The following EML6 variants were observed in gnomAD, a reference collection of about 807,000 sequenced individuals.
EML6 encodes EMAP like 6, also known as echinoderm microtubule-associated protein-like 6.
In EML6, 154 loss-of-function variants were observed where a neutral mutation model predicts 240.1. That is an observed-to-expected ratio of 0.64 (90% CI 0.56 to 0.73). The LOEUF (loss-of-function observed/expected upper bound fraction) is 0.73, where lower values mean the gene tolerates loss of function less well. Among genes scored for constraint, EML6 ranks in the 30% least tolerant of loss-of-function variants. The pLI is 0.00. For missense variants in EML6, 2,964 were observed against 2,474.6 expected, an observed-to-expected ratio of 1.20 and a Z score of -4.20; for synonymous variants, 1,148 against 899.0, an observed-to-expected ratio of 1.28 and a Z score of -4.95.
At chr2:54,969,951 C>T (rs1373304575) in intron 41 of EML6, 120 bp from the exon 42 acceptor site, 1 of 1,045,226 alleles carries the variant, frequency 9.6e-7, no homozygotes, top group Admixed American at 2.0e-5. Flanking sequence ...CTTTTGAAGT[C>T]AAAATGTTCA....
At chr2:54,899,285 A>C (rs1170951239) in intron 21 of EML6, among the ~76,000 whole-genome samples, 1 of 152,226 alleles carries the variant, frequency 6.6e-6, no homozygotes, top group Non-Finnish European at 1.5e-5. Context: ...AGGAGGGTAC[A>C]TATATACTAT....
chr2:54,877,378 TCA>T (rs1671562551), intron 16 of EML6, among the ~76,000 whole-genome samples: 1 of 152,136 alleles, frequency 6.6e-6, no homozygotes, highest in South Asian at 2.1e-4. Context: ...ATCATCAGTG[TCA>T]CCAGTATCAT....
intron 24 of EML6, among the ~76,000 whole-genome samples, chr2:54,908,511 A>G (rs1313486588): frequency 1.3e-5 from 2 of 152,222 alleles, no homozygotes; most frequent in Admixed American, 1.3e-4. Context: ...ATCCAAGAGC[A>G]GGAAAGAACA....
At chr2:54,735,954 G>C (rs1683371081) in intron 2 of EML6, among the ~76,000 whole-genome samples, 1 of 152,222 alleles carries the variant, frequency 6.6e-6, no homozygotes, top group African/African-American at 2.4e-5. Flanking sequence ...TTTGAAGGCT[G>C]AAGAGCGGTT....
intron 28 of EML6, among the ~76,000 whole-genome samples, chr2:54,934,465 T>C (rs1320233025): frequency 6.6e-6 from 1 of 152,138 alleles, no homozygotes; most frequent in African/African-American, 2.4e-5. Context: ...TTCAGGTCAA[T>C]CTAAATTCCG....
At chr2:54,910,923 A>G in intron 24 of EML6, 31 bp from the exon 25 acceptor site, 1 of 1,136,902 alleles carries the variant, frequency 8.8e-7, no homozygotes, top group Non-Finnish European at 1.3e-6. Flanking sequence ...TCAGATTTTA[A>G]TTATCTCTCT....
intron 21 of EML6, 61 bp from the exon 22 acceptor site, chr2:54,899,580 A>G: frequency 5.3e-6 from 8 of 1,499,906 alleles, no homozygotes; most frequent in Non-Finnish European, 7.2e-6. Context: ...GCACCAGGCT[A>G]AAGAAGGGCT....
chr2:54,920,040 C>T (rs910034462), intron 26 of EML6, among the ~76,000 whole-genome samples: 1 of 152,068 alleles, frequency 6.6e-6, no homozygotes, highest in African/African-American at 2.4e-5. Context: ...AACCTAAATT[C>T]TGTAATTTAA....
chr2:54,741,779 A>G (rs759132229), intron 2 of EML6, among the ~76,000 whole-genome samples: 37 of 152,240 alleles, frequency 2.4e-4, no homozygotes, highest in Non-Finnish European at 4.4e-4. Flanking sequence ...AATCTGTAGA[A>G]TAAAATAAAA....
intron 4 of EML6, among the ~76,000 whole-genome samples, chr2:54,817,302 A>G (rs1210676234): frequency 6.6e-6 from 1 of 152,230 alleles, no homozygotes; most frequent in African/African-American, 2.4e-5. Context: ...GTTGTATTTG[A>G]GAACATAGAA....
At chr2:54,826,085 T>G (rs1668577381) in intron 5 of EML6, among the ~76,000 whole-genome samples, 1 of 152,230 alleles carries the variant, frequency 6.6e-6, no homozygotes, top group African/African-American at 2.4e-5. Flanking sequence ...TTGTTTCATT[T>G]GCCTCTGCAT....
intron 2 of EML6, among the ~76,000 whole-genome samples, chr2:54,782,019 T>C (rs1668877237): frequency 6.6e-6 from 1 of 152,212 alleles, no homozygotes; most frequent in Non-Finnish European, 1.5e-5. Context: ...TTACCTTTTC[T>C]ACTTTTAATT....
intron 26 of EML6, among the ~76,000 whole-genome samples, chr2:54,927,070 A>T (rs7594699): frequency 0.43 from 65,420 of 151,922 alleles, 14,264 homozygotes; most frequent in South Asian, 0.51. Context: ...GCTTTCTGGA[A>T]CTCACATGTT....
chr2:54,730,867 C>T (rs1169079353), intron 2 of EML6, among the ~76,000 whole-genome samples: 1 of 152,164 alleles, frequency 6.6e-6, no homozygotes, highest in Non-Finnish European at 1.5e-5. Flanking sequence ...GGGGGTATAG[C>T]AGTGAACATG....
chr2:54,860,024 TGA>T (rs1362756147), intron 12 of EML6, among the ~76,000 whole-genome samples: 1 of 152,170 alleles, frequency 6.6e-6, no homozygotes, highest in Admixed American at 6.5e-5. Context: ...CCATTCTCTC[TGA>T]GAGAAAGTCA....
intron 7 of EML6, among the ~76,000 whole-genome samples, chr2:54,835,443 A>G (rs113893856): frequency 1.6e-3 from 245 of 152,322 alleles, no homozygotes; most frequent in African/African-American, 5.6e-3. Flanking sequence ...AAGGAGGAAC[A>G]GATAACTTGG....
intron 28 of EML6, among the ~76,000 whole-genome samples, chr2:54,932,148 T>C (rs931405801): frequency 2.0e-5 from 3 of 152,180 alleles, no homozygotes; most frequent in Non-Finnish European, 4.4e-5. Context: ...AAATTTACAG[T>C]TGGTCTCAAA....
intron 2 of EML6, among the ~76,000 whole-genome samples, chr2:54,796,297 T>G (rs913127927): frequency 6.6e-6 from 1 of 152,134 alleles, no homozygotes; most frequent in African/African-American, 2.4e-5. Flanking sequence ...CTGAATTTCC[T>G]TATTCAGTCT....
intron 11 of EML6, among the ~76,000 whole-genome samples, chr2:54,856,253 C>T (rs17345767): frequency 0.2 from 29,811 of 152,080 alleles, 3,518 homozygotes; most frequent in Non-Finnish European, 0.26. Flanking sequence ...CCTGTTTGAC[C>T]ATCGCCACAC....
Sources: allele counts gnomAD v4.1 joint callset (sites outside exome capture counted in the v4.1 genomes callset), GRCh38; gene constraint gnomAD v4.1.1; transcripts MANE v1.5; gene names NCBI Gene and HGNC (gene_info 2026-07-23, HGNC 2026-07-21).